Variants in RANBP2 observed in about 807,000 individuals in gnomAD.
RANBP2 encodes RAN binding protein 2.
RANBP2 carries 57 observed loss-of-function variants against 303.6 expected under a neutral mutation model. The observed-to-expected ratio is 0.19, with a 90% confidence interval of 0.15 to 0.23. RANBP2 has a LOEUF of 0.23. Ranked by LOEUF, RANBP2 falls within the 10% of genes least tolerant of loss-of-function variation. The pLI, the probability that RANBP2 is intolerant of heterozygous loss-of-function variation, is 1.00. For missense variants in RANBP2, 3,138 were observed against 3,780.8 expected, an observed-to-expected ratio of 0.83 and a Z score of 4.46; for synonymous variants, 1,167 against 1,301.5, an observed-to-expected ratio of 0.90 and a Z score of 2.23.
the RANBP2 span, among the ~76,000 whole-genome samples, chr2:109,342,341 G>A: frequency 1.3e-5 from 2 of 152,204 alleles, no homozygotes; most frequent in African/African-American, 4.8e-5. Context: ...GGACTGGTTT[G>A]CTAGTCTGTG....
chr2:109,137,179 G>A, the RANBP2 span, among the ~76,000 whole-genome samples: 1 of 152,240 alleles, frequency 6.6e-6, no homozygotes, highest in Non-Finnish European at 1.5e-5. Flanking sequence ...TTTCTAATGA[G>A]GAAAGTGGTA....
At chr2:109,153,267 G>A in the RANBP2 span, among the ~76,000 whole-genome samples, 1 of 152,200 alleles carries the variant, frequency 6.6e-6, no homozygotes, top group African/African-American at 2.4e-5. Context: ...TTCTTGAAGG[G>A]AATGTAGGTG....
the RANBP2 span, among the ~76,000 whole-genome samples, chr2:109,628,241 G>A: frequency 2.0e-5 from 3 of 152,020 alleles, no homozygotes; most frequent in African/African-American, 7.2e-5. Context: ...CACCTGTAAT[G>A]CCAGCACTTT....
the RANBP2 span, chr2:108,896,672 T>TA: frequency 1.4e-4 from 75 of 554,836 alleles, no homozygotes; most frequent in Middle Eastern, 3.3e-3. Flanking sequence ...AGTAGATATT[T>TA]ACTCTGCCTG....
At chr2:108,979,839 C>T in the RANBP2 span, among the ~76,000 whole-genome samples, 1 of 152,236 alleles carries the variant, frequency 6.6e-6, no homozygotes, top group South Asian at 2.1e-4. Flanking sequence ...TCCTGCTAGG[C>T]CCTGACAGCC....
the RANBP2 span, among the ~76,000 whole-genome samples, chr2:109,435,216 G>A: frequency 6.6e-6 from 1 of 152,284 alleles, no homozygotes; most frequent in South Asian, 2.1e-4. Flanking sequence ...GAAGGCCATG[G>A]GTCCCTCAGT....
chr2:108,742,404 A>G (rs1696183700), intron 7 of RANBP2, among the ~76,000 whole-genome samples: 1 of 152,038 alleles, frequency 6.6e-6, no homozygotes, highest in African/African-American at 2.4e-5. Context: ...CCTGGGTTCA[A>G]GTGATTCTCC....
intron 22 of RANBP2, 98 bp downstream of exon 22, chr2:108,772,679 G>T (rs1677592336): frequency 2.3e-6 from 3 of 1,303,756 alleles, no homozygotes; most frequent in Non-Finnish European, 3.2e-6. Flanking sequence ...TCGATTTTAC[G>T]ATGCCCATGG....
chr2:109,661,971 A>G, the RANBP2 span, among the ~76,000 whole-genome samples: 2 of 152,142 alleles, frequency 1.3e-5, no homozygotes, highest in African/African-American at 4.8e-5. Context: ...TGCACATTTC[A>G]TGCCTCCTGC....
the RANBP2 span, chr2:108,912,808 A>C: frequency 2.7e-5 from 40 of 1,475,490 alleles, no homozygotes; most frequent in Non-Finnish European, 3.4e-5. Flanking sequence ...GAGAAGCTCC[A>C]CCTTCAAAGA....
chr2:109,522,073 T>G, the RANBP2 span, among the ~76,000 whole-genome samples: 1 of 152,154 alleles, frequency 6.6e-6, no homozygotes, highest in Non-Finnish European at 1.5e-5. Context: ...AAAACTGTTT[T>G]TCAAAATTTA....
intron 23 of RANBP2, among the ~76,000 whole-genome samples, chr2:108,773,307 G>A (rs541771222): frequency 3.3e-5 from 5 of 151,768 alleles, no homozygotes; most frequent in African/African-American, 1.2e-4. Context: ...TAGTAGAGAC[G>A]GGATTTCGCC....
chr2:109,417,090 T>C, the RANBP2 span, among the ~76,000 whole-genome samples: 1 of 152,224 alleles, frequency 6.6e-6, no homozygotes, highest in Non-Finnish European at 1.5e-5. Context: ...ACTATTTGAA[T>C]GGGTGAGTGA....
At chr2:109,371,416 G>C in the RANBP2 span, among the ~76,000 whole-genome samples, 1 of 152,226 alleles carries the variant, frequency 6.6e-6, no homozygotes, top group East Asian at 1.9e-4. Context: ...GAAAGAAAGA[G>C]AGGGTGCTCC....
chr2:109,729,207 C>T, the RANBP2 span, among the ~76,000 whole-genome samples: 227 of 152,260 alleles, frequency 1.5e-3, 1 homozygote, highest in South Asian at 0.012. Context: ...CGTTCCTTCA[C>T]GTAGGAGAAA....
the RANBP2 span, chr2:108,873,519 C>G: frequency 6.2e-7 from 1 of 1,612,526 alleles, no homozygotes; most frequent in Non-Finnish European, 8.5e-7. Context: ...TGTGCTGCTT[C>G]GAGCCCCTAA....
chr2:109,492,679 A>T, the RANBP2 span, among the ~76,000 whole-genome samples: 1 of 152,162 alleles, frequency 6.6e-6, no homozygotes, highest in Admixed American at 6.5e-5. Context: ...CCAAGATCAC[A>T]CAGCTAGTTA....
At chr2:108,896,924 G>C in the RANBP2 span, 1 of 1,612,642 alleles carries the variant, frequency 6.2e-7, no homozygotes, top group Non-Finnish European at 8.5e-7. Context: ...GCAGCATGTG[G>C]CTGGGAGGCA....
the RANBP2 span, among the ~76,000 whole-genome samples, chr2:109,654,113 G>A: frequency 0.051 from 7,701 of 152,076 alleles, 293 homozygotes; most frequent in Non-Finnish European, 0.072. Flanking sequence ...GGTTATTTCC[G>A]CTGGTTAGGA....
Sources: allele counts gnomAD v4.1 joint callset (sites outside exome capture counted in the v4.1 genomes callset), GRCh38; gene constraint gnomAD v4.1.1; transcripts MANE v1.5; gene names NCBI Gene and HGNC (gene_info 2026-07-23, HGNC 2026-07-21).